SFI1: variants seen among roughly 807,000 people sequenced by gnomAD.
SFI1 encodes the protein protein SFI1 homolog.
Under a neutral mutation model 207.5 loss-of-function variants are expected in SFI1, and 195 were observed. The ratio of observed to expected loss-of-function variants is 0.94; its 90% CI spans 0.84 to 1.06. The LOEUF (loss-of-function observed/expected upper bound fraction) is 1.06. SFI1 is among the 50% of genes least tolerant of loss of function. The pLI is 0.00. For synonymous variants in SFI1, 630 were observed against 598.9 expected (o/e 1.05, Z -0.76); for missense variants, 1,634 against 1,588.0 (o/e 1.03, Z -0.49).
At chr22:31,496,851 G>C (rs968097648) in intron 1 of SFI1, among the ~76,000 whole-genome samples, 3 of 152,206 alleles carry the variant, frequency 2.0e-5, no homozygotes, top group Non-Finnish European at 2.9e-5. Flanking sequence ...ACGGGGCCCG[G>C]AGCCTGCCAT....
chr22:31,600,531 C>T (rs903173336), intron 15 of SFI1, among the ~76,000 whole-genome samples: 1 of 152,240 alleles, frequency 6.6e-6, no homozygotes, highest in Non-Finnish European at 1.5e-5. Context: ...TCCAGGCCCT[C>T]ATCTGAGGAC....
At chr22:31,566,145 G>A (rs1414463903) in intron 8 of SFI1, among the ~76,000 whole-genome samples, 3 of 141,672 alleles carry the variant, frequency 2.1e-5, no homozygotes, top group Admixed American at 7.4e-5. Flanking sequence ...TTGAGACTCC[G>A]TGCAGTGGCA....
chr22:31,573,595 G>A (rs1446140839), intron 9 of SFI1, among the ~76,000 whole-genome samples: 5 of 151,730 alleles, frequency 3.3e-5, no homozygotes, highest in East Asian at 1.9e-4. Flanking sequence ...CCACCACCTC[G>A]CCCGGCTAAT....
At chr22:31,546,246 C>T (rs919487580) in intron 4 of SFI1, among the ~76,000 whole-genome samples, 1 of 151,998 alleles carries the variant, frequency 6.6e-6, no homozygotes, top group African/African-American at 2.4e-5. Context: ...TCATGCAGTC[C>T]TCCTACCTTG....
At position 31,597,904 on chromosome 22, in the gene SFI1, C is replaced by T. The variant is rs577521069; in HGVS notation, c.1545-4308C>T. ...TGAGAATGAGACAAAATTGGTTTGT[C>T]TTTTATTTTAATCGAGATAAAATGT... On this transcript the variant is annotated intron_variant, in intron 15 of 32. Transcript: ENST00000400288. Among the ~76,000 whole-genome samples the T allele has an allele frequency of 8.6e-5, 13 of 151,634 alleles. No homozygotes were observed. The South Asian group carries it at 2.7e-3, about 32-fold the overall frequency.
chr22:31,599,359 T>C (rs1175110252), intron 15 of SFI1, among the ~76,000 whole-genome samples: 1 of 151,746 alleles, frequency 6.6e-6, no homozygotes, highest in Admixed American at 6.6e-5. Flanking sequence ...TCTCGCTCTA[T>C]TGCCAGGCTG....
intron 2 of SFI1, among the ~76,000 whole-genome samples, chr22:31,519,638 A>T (rs1569199046): frequency 1.3e-5 from 2 of 151,872 alleles, no homozygotes; most frequent in Non-Finnish European, 1.5e-5. Flanking sequence ...GGGTTTCACC[A>T]TGTTGGCCAG....
At chr22:31,506,679 A>G (rs773551178) in intron 1 of SFI1, among the ~76,000 whole-genome samples, 7 of 152,194 alleles carry the variant, frequency 4.6e-5, no homozygotes, top group East Asian at 1.9e-4. Flanking sequence ...ATACAGATCA[A>G]TGTGCAAAAA....
chr22:31,559,598 A>G (rs2061480027), intron 7 of SFI1: 2 of 668,722 alleles, frequency 3.0e-6, no homozygotes, highest in African/African-American at 1.8e-5. Flanking sequence ...GTGGGTTGAC[A>G]GTACACTCAT....
intron 12 of SFI1, among the ~76,000 whole-genome samples, chr22:31,583,468 T>C (rs1391286573): frequency 6.6e-6 from 1 of 152,244 alleles, no homozygotes; most frequent in East Asian, 1.9e-4. Context: ...ATCATTTATA[T>C]CATTTAATTT....
At chr22:31,609,020 C>CA in intron 22 of SFI1, among the ~76,000 whole-genome samples, 1 of 151,868 alleles carries the variant, frequency 6.6e-6, no homozygotes, top group Admixed American at 6.5e-5. Context: ...TTTTTTGAGA[C>CA]AGAGTCTCAC....
At chr22:31,557,186 T>C (rs2061251026) in intron 7 of SFI1, 127 bp downstream of exon 7, 15 of 675,890 alleles carry the variant, frequency 2.2e-5, no homozygotes, top group East Asian at 5.6e-5. Flanking sequence ...TTTTTGTGTT[T>C]TGTTTTTTTC....
chr22:31,604,877 G>C lies in SFI1; in HGVS notation c.1986G>C (p.Gln662His). 4 of 1,612,078 alleles carry C rather than the reference G, an allele frequency of 2.5e-6. No individual in the cohort carries two copies. Among genetic ancestry groups the C allele is most frequent in the Non-Finnish European group, 3.4e-6 (4 of 1,179,028 alleles). The change falls in exon 20 of 33, where the codon CAG becomes CAC. Residue 662 changes from glutamine (Q) to histidine (H), a missense_variant. Physicochemically the swap from Gln to His is conservative, Grantham distance 24. Coordinates refer to ENST00000400288, the MANE Select transcript of SFI1 (RefSeq NM_001007467.3). Reference protein sequence around the residue: ...HRALQAWVTYQGRVRSILREV... With the variant: ...HRALQAWVTYHGRVRSILREV... Reference sequence around the variant, plus strand: ...TTCCTTGTCCCCTACAGACTTACCAGGGCAGGGTGCGAAGCATCCTCCGGG... The same window carrying C: ...TTCCTTGTCCCCTACAGACTTACCACGGCAGGGTGCGAAGCATCCTCCGGG...
rs569991543 is a variant in SFI1 at position 31,530,935 on chromosome 22, C to T, written c.267-123C>T. 42 of 724,012 alleles carry T rather than the reference C, an allele frequency of 5.8e-5. No homozygotes were observed. In the African/African-American group the frequency reaches 7.4e-4, roughly 13 times the overall value. The allele number at this position is 724,012 out of a possible 1,614,324, so 44.8% of individuals were successfully genotyped here. A position where few individuals can be genotyped will look rare whatever the true frequency, so the allele number is the denominator to read the frequency against. The stretch of plus-strand genomic sequence containing the variant: ...GATGCAAAATTAGCTATGATACCGC[C>T]TTTTGATTCATACTAACATCCCTCT... On this transcript the variant is annotated intron_variant, in intron 3 of 32. Coordinates refer to ENST00000400288, the MANE Select transcript of SFI1 (RefSeq NM_001007467.3).
intron 8 of SFI1, among the ~76,000 whole-genome samples, chr22:31,568,438 C>T (rs533942537): frequency 6.5e-5 from 9 of 139,500 alleles, no homozygotes; most frequent in Admixed American, 3.3e-4. Flanking sequence ...AGGCTGAGCA[C>T]GAGAATCACT....
At chr22:31,608,997 C>T (rs1473524531) in intron 22 of SFI1, among the ~76,000 whole-genome samples, 1 of 151,760 alleles carries the variant, frequency 6.6e-6, no homozygotes, top group Non-Finnish European at 1.5e-5. Flanking sequence ...CAGAATGAGA[C>T]CCAGTCTCTC....
rs996903939 is a variant in SFI1 at position 31,613,850 on chromosome 22, G to A, written c.2991G>A (p.Leu997=). The A allele has an allele frequency of 3.7e-6, 6 of 1,601,100 alleles. No individual in the cohort carries two copies. Among genetic ancestry groups the A allele is most frequent in the East Asian group, 4.5e-5 (2 of 44,696 alleles). The change falls in exon 27 of 33, where the codon CTG becomes CTA. Residue 997 remains leucine (L), a synonymous_variant. Coordinates refer to ENST00000400288, the MANE Select transcript of SFI1 (RefSeq NM_001007467.3). ...GRLAAEEPHA[L]ELNTAHSARK... ...TGGCTGCTGAGGAGCCCCACGCCCT[G>A]GAGCTGTGAGTAGCCTGTGCTCACC...
intron 6 of SFI1, 109 bp downstream of exon 6, chr22:31,550,457 G>T: frequency 1.2e-6 from 1 of 816,708 alleles, no homozygotes; most frequent in Admixed American, 2.7e-5. Flanking sequence ...TAGGCCAAAG[G>T]AAGATTTGTT....
At chr22:31,612,398 A>AAAAAAAAAAAAAATATATATAT (rs1556369798) in intron 24 of SFI1, 1 of 60,194 alleles carries the variant, frequency 1.7e-5, no homozygotes, top group Non-Finnish European at 3.0e-5. Context: ...AAAAAAAAAA[A>AAAAAAAAAAAAAATATATATAT]ATATATATAT....
Sources: allele counts gnomAD v4.1 joint callset (sites outside exome capture counted in the v4.1 genomes callset), GRCh38; gene constraint gnomAD v4.1.1; transcripts MANE v1.5; gene names NCBI Gene and HGNC (gene_info 2026-07-23, HGNC 2026-07-21).